SYMPK: variants seen among roughly 807,000 people sequenced by gnomAD.
SYMPK encodes symplekin scaffold protein, also known as symplekin.
A neutral mutation model predicts 136.4 loss-of-function variants in SYMPK; 49 were observed. The observed-to-expected ratio is 0.36, with a 90% CI of 0.29 to 0.46. The LOEUF is 0.46. Ranked by LOEUF, SYMPK falls within the 20% of genes least tolerant of loss-of-function variation. The probability of loss-of-function intolerance (pLI) is 1.00; values close to 1 mark genes in which losing one functional copy is unlikely to be tolerated. For synonymous variants in SYMPK, 766 were observed against 713.0 expected, an observed-to-expected ratio of 1.07 and a Z score of -1.19; for missense variants, 1,365 against 1,690.0, an observed-to-expected ratio of 0.81 and a Z score of 3.37.
At chr19:45,824,728 T>C (rs936181056) in intron 18 of SYMPK, among the ~76,000 whole-genome samples, 13 of 152,158 alleles carry the variant, frequency 8.5e-5, no homozygotes, top group African/African-American at 3.1e-4. Flanking sequence ...GGCAGACCTG[T>C]GCCTCTAGAG....
chr19:45,823,682 G>A, intron 19 of SYMPK, 85 bp downstream of exon 19: 1 of 1,248,474 alleles, frequency 8.0e-7, no homozygotes, highest in East Asian at 2.4e-5. Context: ...GACCATCTGG[G>A]GACCCAGCAG....
chr19:45,847,301 G>A (rs1971585839), intron 7 of SYMPK, among the ~76,000 whole-genome samples: 1 of 151,840 alleles, frequency 6.6e-6, no homozygotes, highest in Non-Finnish European at 1.5e-5. Flanking sequence ...GCGGGAGCCT[G>A]TAGCCCCAGC....
intron 22 of SYMPK, chr19:45,820,850 A>T (rs1970872382): frequency 2.2e-6 from 1 of 455,004 alleles, no homozygotes; most frequent in Non-Finnish European, 3.9e-6. Context: ...CAAGTGGCGG[A>T]CCAGCAGGCT....
At chr19:45,820,432 C>T (rs1041211618) in intron 22 of SYMPK, 1 of 152,214 alleles carries the variant, frequency 6.6e-6, no homozygotes, top group Non-Finnish European at 1.5e-5. Context: ...TCTCAGAGAA[C>T]TTGCAGAGGA....
rs1971010987 is a variant in SYMPK at position 45,825,165 on chromosome 19, C to A, written c.2490+6G>T. The stretch of plus-strand genomic sequence containing the variant: ...GGGCAGGGCCTGGTGGGCTCAGGGG[C>A]CTCACCGGCTGCTCAATGACCCTCA... On this transcript the variant is annotated splice_donor_region_variant and intron_variant, in intron 18 of 26. Transcript: ENST00000245934. 1 of 1,610,990 alleles carries A rather than the reference C, an allele frequency of 6.2e-7. No individual in the cohort carries two copies. The highest frequency in any genetic ancestry group is 8.5e-7 in the Non-Finnish European group (1 of 1,178,728).
chr19:45,852,222 G>C (rs1260295735), intron 5 of SYMPK, 90 bp downstream of exon 5: 6 of 1,311,922 alleles, frequency 4.6e-6, no homozygotes, highest in Non-Finnish European at 6.6e-6. Flanking sequence ...GCAGAGGGCA[G>C]GCCTCTCAGT....
chr19:45,821,669 G>C lies in SYMPK; in HGVS notation c.2792-184C>G, dbSNP rs759962513. Among the ~76,000 whole-genome samples, 3 of 152,180 alleles carry C rather than the reference G, an allele frequency of 2.0e-5. No individual in the cohort carries two copies. Among genetic ancestry groups the C allele is most frequent in the Non-Finnish European group, 4.4e-5 (3 of 68,032 alleles). The stretch of plus-strand genomic sequence containing the variant: ...ACACCGAAGGCAGCAGCAGCCCTCA[G>C]GCAGCGTGAGGTTGCCACTGTGTGC... On this transcript the variant is annotated intron_variant, in intron 21 of 26. Coordinates refer to ENST00000245934, the MANE Select transcript of SYMPK (RefSeq NM_004819.3). The surrounding 1 kb of genome is among the most constrained non-coding windows in gnomAD (Gnocchi z 4.4).
chr19:45,844,133 G>A lies in SYMPK; in HGVS notation c.744C>T (p.Ile248=). Residue 248 remains isoleucine, a synonymous_variant, in exon 8 of 27, where the codon ATC becomes ATT. Coordinates refer to ENST00000245934, the MANE Select transcript of SYMPK (RefSeq NM_004819.3). The part of the protein sequence containing the change: ...QLLKFMVHPA[I]SSINLTTALG... ...GCGCTGTGGTCAGGTTGATGGAGGAGATGGCAGGGTGCACCATGAACTTAA... is the reference window on the plus strand; with the variant it reads ...GCGCTGTGGTCAGGTTGATGGAGGAAATGGCAGGGTGCACCATGAACTTAA... 6.2e-7 allele frequency: 1 copy of A among 1,612,738 alleles called. No individual in the cohort carries two copies. The highest frequency in any genetic ancestry group is 8.5e-7 in the Non-Finnish European group (1 of 1,179,466).
chr19:45,844,876 T>C (rs899675783), intron 7 of SYMPK, among the ~76,000 whole-genome samples: 15 of 152,142 alleles, frequency 9.9e-5, no homozygotes, highest in African/African-American at 3.6e-4. Context: ...GAATGCCATA[T>C]ATATGTTTTT....
chr19:45,854,532 G>A, intron 1 of SYMPK, 25 bp from the exon 2 acceptor site: 5 of 1,594,630 alleles, frequency 3.1e-6, no homozygotes, highest in Non-Finnish European at 3.4e-6. Context: ...AGAAGAGGAT[G>A]GATCAAGCTC....
intron 13 of SYMPK, 37 bp downstream of exon 13, chr19:45,830,017 G>T: frequency 6.5e-7 from 1 of 1,528,234 alleles, no homozygotes; most frequent in South Asian, 1.2e-5. Context: ...TGGGTAGAGG[G>T]ACTGGAAGGA....
chr19:45,846,635 G>C (rs770269957), intron 7 of SYMPK, among the ~76,000 whole-genome samples: 5 of 152,098 alleles, frequency 3.3e-5, no homozygotes, highest in Admixed American at 1.3e-4. Context: ...AACAAATGCA[G>C]ACACTATGCA....
intron 5 of SYMPK, among the ~76,000 whole-genome samples, chr19:45,849,154 G>A (rs1041230343): frequency 1.3e-5 from 2 of 152,140 alleles, no homozygotes; most frequent in African/African-American, 2.4e-5. Context: ...TTGGACAAGC[G>A]ACTTCACCTC....
chr19:45,844,010 G>A lies in SYMPK; in HGVS notation c.847+20C>T, dbSNP rs757328903. ...GCCAGTGAAGAGAAGGCAGGGGGAG[G>A]GGGGAGGACAATGACCTACCATGCA... On this transcript the variant is annotated intron_variant, in intron 8 of 26. Transcript: ENST00000245934. 2 of 1,464,984 alleles carry A rather than the reference G, an allele frequency of 1.4e-6. No homozygotes were observed. Among genetic ancestry groups the A allele is most frequent in the South Asian group, 1.5e-5 (1 of 65,672 alleles). 90.7% of individuals were successfully genotyped at this position (1,464,984 alleles called of 1,614,324 possible).
intron 22 of SYMPK, 76 bp from the exon 23 acceptor site, chr19:45,818,222 G>A: frequency 2.1e-6 from 3 of 1,410,768 alleles, no homozygotes; most frequent in South Asian, 1.5e-5. Context: ...GGCCTCTGCT[G>A]TCTGCCCATG....
At chr19:45,819,079 G>A (rs919915101) in intron 22 of SYMPK, 4 of 151,978 alleles carry the variant, frequency 2.6e-5, no homozygotes, top group African/African-American at 7.3e-5. Context: ...GCCAGAAACC[G>A]AGGAAGCCCC....
intron 2 of SYMPK, 53 bp downstream of exon 2, chr19:45,854,338 G>A (rs1971768850): frequency 6.2e-7 from 1 of 1,607,316 alleles, no homozygotes; most frequent in South Asian, 1.1e-5. Context: ...AACAGGGATT[G>A]CCAAAGCCAG....
rs148068166 is a variant in SYMPK, at chr19:45,815,988, G to A, written c.3550C>T (p.Pro1184Ser). The change falls in exon 26 of 27, where the codon CCG becomes TCG. Residue 1184 changes from proline (P) to serine (S), a missense_variant. Around this residue, in one of 11 missense-constraint regions of SYMPK, gnomAD observed 341 missense variants for 270.5 expected, o/e 1.26. Coordinates refer to ENST00000245934, the MANE Select transcript of SYMPK (RefSeq NM_004819.3). ...CGGAAATCCATGGCTTCCTCAGACG[G>A]GGGCGGGCCTGGCCGGGCCGACGGA... Reference protein sequence around the residue: ...PSPSARPGPPPSEEAMDFREE... With the variant: ...PSPSARPGPPSSEEAMDFREE... 9.1e-5 allele frequency: 147 copies of A among 1,607,914 alleles called. No homozygotes were observed. In the African/African-American group the frequency reaches 1.7e-3, roughly 18 times the overall value.
intron 6 of SYMPK, among the ~76,000 whole-genome samples, chr19:45,848,495 G>C (rs1391573955): frequency 6.6e-6 from 1 of 152,146 alleles, no homozygotes; most frequent in African/African-American, 2.4e-5. Context: ...CCTAGCCCAG[G>C]GCTAAGCACA....
Sources: gnomAD v4.1 joint callset for allele counts (sites outside exome capture counted in the v4.1 genomes callset) on GRCh38, gnomAD v4.1.1 for gene constraint, gnomAD v4.1.1 regional missense constraint, Gnocchi (gnomAD v3.1) non-coding constraint, MANE v1.5 for transcripts, NCBI Gene and HGNC (gene_info 2026-07-23, HGNC 2026-07-21) for gene names.